CDC42SE2: variants seen among roughly 807,000 people sequenced by gnomAD.
The protein encoded by CDC42SE2 is CDC42 small effector 2.
A neutral mutation model predicts 11.5 loss-of-function variants in CDC42SE2; 3 were observed. The observed-to-expected ratio is 0.26, with a 90% confidence interval of 0.12 to 0.67. The LOEUF (loss-of-function observed/expected upper bound fraction) is 0.67. Among genes scored for constraint, CDC42SE2 ranks in the 30% least tolerant of loss-of-function variants. The pLI, the probability that CDC42SE2 is intolerant of heterozygous loss-of-function variation, is 0.80. For synonymous variants in CDC42SE2, 33 were observed against 34.8 expected, an observed-to-expected ratio of 0.95 and a Z score of 0.18; for missense variants, 82 against 106.8, an observed-to-expected ratio of 0.77 and a Z score of 1.02.
At chr5:131,317,840 A>T (rs1179143612) in intron 2 of CDC42SE2, among the ~76,000 whole-genome samples, 2 of 149,268 alleles carry the variant, frequency 1.3e-5, no homozygotes, top group Non-Finnish European at 2.9e-5. Flanking sequence ...CTTCAAAAAG[A>T]GATTTACATT....
chr5:131,224,887 T>G, the CDC42SE2 span, among the ~76,000 whole-genome samples: 1 of 151,064 alleles, frequency 6.6e-6, no homozygotes. Flanking sequence ...AGAAGCAGCA[T>G]CTGGGTAGAG....
At chr5:131,217,248 A>G in the CDC42SE2 span, among the ~76,000 whole-genome samples, 1 of 152,232 alleles carries the variant, frequency 6.6e-6, no homozygotes, top group East Asian at 1.9e-4. Flanking sequence ...ACGGTTGAGT[A>G]GTTGTGACAG....
chr5:131,309,924 G>A (rs1048903340), intron 1 of CDC42SE2, among the ~76,000 whole-genome samples: 1 of 151,584 alleles, frequency 6.6e-6, no homozygotes, highest in Non-Finnish European at 1.5e-5. Context: ...TTTTTTGAAG[G>A]GTTTTTTGTG....
chr5:131,235,693 C>T, the CDC42SE2 span, among the ~76,000 whole-genome samples: 1 of 152,018 alleles, frequency 6.6e-6, no homozygotes, highest in African/African-American at 2.4e-5. Flanking sequence ...CTCCCGAGTT[C>T]AAGCAATTCT....
intron 1 of CDC42SE2, among the ~76,000 whole-genome samples, chr5:131,285,424 A>G (rs1191166344): frequency 1.3e-5 from 2 of 152,236 alleles, no homozygotes; most frequent in African/African-American, 2.4e-5. Flanking sequence ...TGATTAGCAT[A>G]TATTATAAAT....
At chr5:131,376,160 A>G (rs994210618) in intron 3 of CDC42SE2, among the ~76,000 whole-genome samples, 8 of 151,692 alleles carry the variant, frequency 5.3e-5, no homozygotes, top group African/African-American at 1.5e-4. Flanking sequence ...AATCGCTTGA[A>G]CCCAGGAGGC....
chr5:131,313,019 G>A (rs1258938468), intron 1 of CDC42SE2, among the ~76,000 whole-genome samples: 1 of 149,638 alleles, frequency 6.7e-6, no homozygotes, highest in Admixed American at 6.7e-5. Flanking sequence ...GTCTTGCTCT[G>A]TCACCCAGGC....
At chr5:131,322,051 C>G (rs1385384211) in intron 2 of CDC42SE2, among the ~76,000 whole-genome samples, 2 of 152,022 alleles carry the variant, frequency 1.3e-5, no homozygotes, top group African/African-American at 2.4e-5. Flanking sequence ...GGGGTTTCAC[C>G]GTGTTAGCCA....
At chr5:131,212,674 T>A in the CDC42SE2 span, among the ~76,000 whole-genome samples, 1 of 152,176 alleles carries the variant, frequency 6.6e-6, no homozygotes, top group Non-Finnish European at 1.5e-5. Context: ...ACACACCACT[T>A]TGGCTTTCAG....
At chr5:131,283,363 C>T (rs1410007734) in intron 1 of CDC42SE2, among the ~76,000 whole-genome samples, 1 of 152,186 alleles carries the variant, frequency 6.6e-6, no homozygotes, top group South Asian at 2.1e-4. Flanking sequence ...TACATATTTT[C>T]TCTTTCTAGA....
rs867412440 is a variant in CDC42SE2 at position 131,269,850 on chromosome 5, C to T, written c.-455+5684C>T. On this transcript the variant is annotated intron_variant, in intron 1 of 4. Coordinates refer to ENST00000505065, the MANE Select transcript of CDC42SE2 (RefSeq NM_001375635.1). ...CCGAGGTGGGTGGATCATCTGAGTT[C>T]GGGAATTTGAGACCAACCTGGCCAA... 2.1e-4 allele frequency among the ~76,000 whole-genome samples: 32 copies of T among 151,308 alleles called. No individual in the cohort carries two copies. In the Middle Eastern group the frequency reaches 0.01, roughly 50 times the overall value.
intron 1 of CDC42SE2, among the ~76,000 whole-genome samples, chr5:131,254,402 C>T (rs1487888965): frequency 6.6e-6 from 1 of 151,876 alleles, no homozygotes; most frequent in Non-Finnish European, 1.5e-5. Context: ...ATTAGCTGGC[C>T]CTGGTAGCCA....
chr5:131,271,148 T>C (rs1756987267), intron 1 of CDC42SE2, among the ~76,000 whole-genome samples: 1 of 152,214 alleles, frequency 6.6e-6, no homozygotes, highest in Non-Finnish European at 1.5e-5. Context: ...TCCAGTTTCC[T>C]TTATCTTGCA....
intron 2 of CDC42SE2, among the ~76,000 whole-genome samples, chr5:131,329,129 C>T (rs1183467165): frequency 2.0e-5 from 3 of 152,196 alleles, no homozygotes; most frequent in African/African-American, 7.2e-5. Context: ...TGATTTTAAA[C>T]TGCTGACAAA....
At chr5:131,234,810 G>A in the CDC42SE2 span, among the ~76,000 whole-genome samples, 1 of 151,810 alleles carries the variant, frequency 6.6e-6, no homozygotes, top group Admixed American at 6.6e-5. Flanking sequence ...GGATATTCTA[G>A]TTTAGAAGAA....
intron 2 of CDC42SE2, among the ~76,000 whole-genome samples, chr5:131,347,561 A>G (rs914198185): frequency 1.3e-5 from 2 of 152,210 alleles, no homozygotes; most frequent in Admixed American, 6.5e-5. Flanking sequence ...GCCGAATTCT[A>G]CCAGAGGTAC....
At chr5:131,380,927 T>C (rs1750302631) in intron 3 of CDC42SE2, among the ~76,000 whole-genome samples, 1 of 152,186 alleles carries the variant, frequency 6.6e-6, no homozygotes. Flanking sequence ...ATTACTCCAC[T>C]GACATAGCAC....
intron 1 of CDC42SE2, among the ~76,000 whole-genome samples, chr5:131,275,023 T>C (rs1391218876): frequency 1.3e-5 from 2 of 152,158 alleles, no homozygotes; most frequent in Non-Finnish European, 2.9e-5. Context: ...GAAACAAATT[T>C]AGATGCAAGA....
chr5:131,272,770 C>T (rs1757020502), intron 1 of CDC42SE2, among the ~76,000 whole-genome samples: 1 of 152,194 alleles, frequency 6.6e-6, no homozygotes, highest in Non-Finnish European at 1.5e-5. Flanking sequence ...CATCCGCGCT[C>T]CCTGTCTTGT....
Sources: allele counts gnomAD v4.1 joint callset (sites outside exome capture counted in the v4.1 genomes callset), GRCh38; gene constraint gnomAD v4.1.1; transcripts MANE v1.5; gene names NCBI Gene and HGNC (gene_info 2026-07-23, HGNC 2026-07-21).